The following MAPK10 variants were observed in gnomAD, a reference collection of about 807,000 sequenced individuals.
MAPK10 encodes the protein mitogen-activated protein kinase 10.
A neutral mutation model predicts 59.3 loss-of-function variants in MAPK10; 25 were observed. That is an observed-to-expected ratio of 0.42 (90% CI 0.31 to 0.59). MAPK10 has a LOEUF of 0.59. Among genes scored for constraint, MAPK10 ranks in the 20% least tolerant of loss-of-function variants. The pLI is 0.15. For missense variants in MAPK10, 351 were observed against 568.9 expected, an observed-to-expected ratio of 0.62 and a Z score of 3.90; for synonymous variants, 190 against 200.5, an observed-to-expected ratio of 0.95 and a Z score of 0.44.
intron 2 of MAPK10, among the ~76,000 whole-genome samples, chr4:86,202,038 G>A (rs1336979086): frequency 1.3e-5 from 2 of 151,696 alleles, no homozygotes; most frequent in African/African-American, 4.8e-5. Flanking sequence ...CTTTAAAGAG[G>A]CAATTATATT....
chr4:86,365,687 T>C (rs1737755504), intron 1 of MAPK10, among the ~76,000 whole-genome samples: 1 of 152,128 alleles, frequency 6.6e-6, no homozygotes, highest in South Asian at 2.1e-4. Context: ...ATATATACAA[T>C]ATTAAAGCAG....
At chr4:86,515,605 CAT>C (rs1300405319) in intron 1 of MAPK10, among the ~76,000 whole-genome samples, 1 of 151,992 alleles carries the variant, frequency 6.6e-6, no homozygotes, top group African/African-American at 2.4e-5. Context: ...AGCATTTTTT[CAT>C]ATGTTTGTTG....
At chr4:86,244,527 T>C (rs934705879) in intron 2 of MAPK10, among the ~76,000 whole-genome samples, 4 of 152,188 alleles carry the variant, frequency 2.6e-5, no homozygotes, top group African/African-American at 9.7e-5. Flanking sequence ...AGTTCTAGTG[T>C]TTCAGTTCAA....
chr4:86,242,683 C>T (rs1380250986), intron 2 of MAPK10, among the ~76,000 whole-genome samples: 3 of 152,218 alleles, frequency 2.0e-5, no homozygotes, highest in African/African-American at 7.2e-5. Context: ...ACCAAGCCAT[C>T]CAGCCTCCCT....
intron 1 of MAPK10, among the ~76,000 whole-genome samples, chr4:86,526,493 C>T (rs747251575): frequency 2.7e-4 from 41 of 152,130 alleles, no homozygotes; most frequent in Non-Finnish European, 5.7e-4. Context: ...TCTATTGATT[C>T]TATTGATCTT....
chr4:86,224,500 T>C (rs571118135), intron 2 of MAPK10, among the ~76,000 whole-genome samples: 6 of 152,126 alleles, frequency 3.9e-5, no homozygotes, highest in Non-Finnish European at 8.8e-5. Context: ...AGAGGAAGCA[T>C]AGAGAATGTG....
At chr4:86,379,505 C>T (rs970621290) in intron 1 of MAPK10, among the ~76,000 whole-genome samples, 1 of 152,150 alleles carries the variant, frequency 6.6e-6, no homozygotes, top group Non-Finnish European at 1.5e-5. Context: ...TTTGTGATGG[C>T]CATGACGCCC....
chr4:86,099,800 T>A (rs1580234152), intron 8 of MAPK10: 1 of 152,192 alleles, frequency 6.6e-6, no homozygotes, highest in East Asian at 1.9e-4. Context: ...TTTGACTTTT[T>A]AAAAATAACT....
intron 3 of MAPK10, among the ~76,000 whole-genome samples, chr4:86,175,429 T>C (rs1434931338): frequency 6.6e-6 from 1 of 152,094 alleles, no homozygotes; most frequent in Non-Finnish European, 1.5e-5. Context: ...TCCTGTGGAA[T>C]TGTAATCCCC....
intron 1 of MAPK10, among the ~76,000 whole-genome samples, chr4:86,509,116 C>A (rs1470925749): frequency 1.3e-5 from 2 of 151,854 alleles, no homozygotes; most frequent in East Asian, 3.9e-4. Context: ...ATTTCAAAAG[C>A]TGCTTAGATC....
chr4:86,387,022 A>G (rs1741551651), intron 1 of MAPK10, among the ~76,000 whole-genome samples: 1 of 152,232 alleles, frequency 6.6e-6, no homozygotes, highest in African/African-American at 2.4e-5. Flanking sequence ...GCAAGACACC[A>G]ACAGGATAAA....
chr4:86,243,878 T>C (rs963696235), intron 2 of MAPK10, among the ~76,000 whole-genome samples: 1 of 152,022 alleles, frequency 6.6e-6, no homozygotes, highest in East Asian at 1.9e-4. Context: ...CCCCAACCAC[T>C]AGAATGTAAG....
At chr4:86,342,184 C>T (rs563677998) in intron 2 of MAPK10, among the ~76,000 whole-genome samples, 4 of 151,966 alleles carry the variant, frequency 2.6e-5, no homozygotes, top group East Asian at 3.8e-4. Context: ...TCCCTGATAG[C>T]GATGGAATAC....
At chr4:86,245,221 C>T (rs576147580) in intron 2 of MAPK10, among the ~76,000 whole-genome samples, 51 of 152,046 alleles carry the variant, frequency 3.4e-4, no homozygotes, top group Non-Finnish European at 6.6e-4. Context: ...AGCTTATATT[C>T]GAGTGCTTTG....
At chr4:86,217,416 C>CA (rs1180193918) in intron 2 of MAPK10, among the ~76,000 whole-genome samples, 9 of 152,252 alleles carry the variant, frequency 5.9e-5, no homozygotes, top group South Asian at 4.1e-4. Flanking sequence ...CTAACAATCA[C>CA]AAAAAACATT....
chr4:86,039,104 T>G (rs892288202), intron 11 of MAPK10, among the ~76,000 whole-genome samples: 5 of 152,190 alleles, frequency 3.3e-5, no homozygotes, highest in Non-Finnish European at 7.3e-5. Flanking sequence ...AAAGTATGAT[T>G]TGAGGAGATG....
chr4:86,250,704 T>C (rs1440262700), intron 2 of MAPK10, among the ~76,000 whole-genome samples: 1 of 152,088 alleles, frequency 6.6e-6, no homozygotes, highest in African/African-American at 2.4e-5. Flanking sequence ...GTAAACCACA[T>C]AGTTTCTGAA....
chr4:86,124,328 T>C (rs2059729901), intron 4 of MAPK10: 2 of 151,984 alleles, frequency 1.3e-5, no homozygotes, highest in Non-Finnish European at 2.9e-5. Context: ...AATCACTTTA[T>C]TACAAAATTT....
intron 2 of MAPK10, among the ~76,000 whole-genome samples, chr4:86,272,414 T>C (rs761694484): frequency 6.6e-6 from 1 of 151,914 alleles, no homozygotes; most frequent in Non-Finnish European, 1.5e-5. Flanking sequence ...GTAAAAAATA[T>C]ATATTATTTT....
Sources: allele counts gnomAD v4.1 joint callset (sites outside exome capture counted in the v4.1 genomes callset), GRCh38; gene constraint gnomAD v4.1.1; transcripts MANE v1.5; gene names NCBI Gene and HGNC (gene_info 2026-07-23, HGNC 2026-07-21).